The following CDH12 variants were observed in gnomAD, a reference collection of about 807,000 sequenced individuals.
CDH12 encodes the protein cadherin-12.
Under a neutral mutation model 74.1 loss-of-function variants are expected in CDH12, and 41 were observed. That is an observed-to-expected ratio of 0.55 (90% CI 0.43 to 0.72). CDH12 has a LOEUF of 0.72. Among genes scored for constraint, CDH12 ranks in the 30% least tolerant of loss-of-function variants. The pLI is 0.00. For missense variants in CDH12, 945 were observed against 977.2 expected (o/e 0.97, Z 0.44); for synonymous variants, 399 against 355.0 (o/e 1.12, Z -1.39).
At chr5:22,159,452 G>A (rs1270916265) in intron 4 of CDH12, among the ~76,000 whole-genome samples, 2 of 151,946 alleles carry the variant, frequency 1.3e-5, no homozygotes, top group African/African-American at 2.4e-5. Flanking sequence ...TTTCTGCCAG[G>A]TATATTAATA....
intron 1 of CDH12, among the ~76,000 whole-genome samples, chr5:22,579,450 G>A (rs1739965686): frequency 1.3e-5 from 2 of 151,970 alleles, no homozygotes; most frequent in African/African-American, 4.8e-5. Flanking sequence ...TCACTAATGT[G>A]TATTATGATG....
chr5:22,372,737 C>T (rs944709479), intron 3 of CDH12, among the ~76,000 whole-genome samples: 1 of 152,108 alleles, frequency 6.6e-6, no homozygotes. Flanking sequence ...CTAAGACATG[C>T]CCCGTCCTTC....
chr5:21,763,103 C>A (rs999942089), intron 12 of CDH12, among the ~76,000 whole-genome samples: 2 of 152,118 alleles, frequency 1.3e-5, no homozygotes, highest in African/African-American at 4.8e-5. Flanking sequence ...TAAGTGCATT[C>A]TGTGCCGATC....
chr5:22,494,218 T>C (rs770136450), intron 2 of CDH12, among the ~76,000 whole-genome samples: 1 of 152,206 alleles, frequency 6.6e-6, no homozygotes, highest in Non-Finnish European at 1.5e-5. Flanking sequence ...TGGTGTGTTC[T>C]CCCCAGATTG....
At chr5:22,293,545 T>C (rs1737494061) in intron 3 of CDH12, among the ~76,000 whole-genome samples, 1 of 152,142 alleles carries the variant, frequency 6.6e-6, no homozygotes, top group African/African-American at 2.4e-5. Context: ...TTATTCACAT[T>C]AGCCAAGATA....
chr5:22,251,586 TA>T (rs1753134484), intron 3 of CDH12, among the ~76,000 whole-genome samples: 1 of 152,148 alleles, frequency 6.6e-6, no homozygotes, highest in African/African-American at 2.4e-5. Context: ...ATGATAAAAA[TA>T]GGGATGCTGT....
intron 3 of CDH12, among the ~76,000 whole-genome samples, chr5:22,249,639 A>G (rs1007489821): frequency 6.6e-6 from 1 of 152,220 alleles, no homozygotes; most frequent in Non-Finnish European, 1.5e-5. Flanking sequence ...TCAGAATGGA[A>G]TCATCAACCG....
At chr5:21,835,449 G>T (rs1749478537) in intron 8 of CDH12, among the ~76,000 whole-genome samples, 1 of 151,642 alleles carries the variant, frequency 6.6e-6, no homozygotes, top group South Asian at 2.1e-4. Context: ...GGCAATCTCA[G>T]ATATTAAGAC....
At chr5:22,219,908 C>G (rs568355103) in intron 3 of CDH12, among the ~76,000 whole-genome samples, 1 of 151,678 alleles carries the variant, frequency 6.6e-6, no homozygotes, top group African/African-American at 2.4e-5. Flanking sequence ...AAATGAGCTA[C>G]CAGCTATAAT....
Position 22,678,731 on chromosome 5 carries a change from C to T in CDH12, c.-522-173367G>A, listed in dbSNP as rs528822733. On this transcript the variant is annotated intron_variant, in intron 1 of 14. Coordinates refer to ENST00000382254, the MANE Select transcript of CDH12 (RefSeq NM_004061.5). ...TATTTTCAAATAAAGAAGGAAAGAACAACAAAAATTCTAATAATGTACTTG... is the reference window on the plus strand; with the variant it reads ...TATTTTCAAATAAAGAAGGAAAGAATAACAAAAATTCTAATAATGTACTTG... 2.6e-5 allele frequency among the ~76,000 whole-genome samples: 4 copies of T among 152,054 alleles called. No individual in the cohort carries two copies. In the East Asian group the frequency reaches 7.7e-4, roughly 29 times the overall value.
intron 5 of CDH12, among the ~76,000 whole-genome samples, chr5:22,046,300 C>G (rs1398079871): frequency 6.6e-6 from 1 of 152,050 alleles, no homozygotes; most frequent in Non-Finnish European, 1.5e-5. Flanking sequence ...TTGAGAGCAG[C>G]CAAGTCCTGC....
chr5:22,158,519 G>C (rs1248918689), intron 4 of CDH12, among the ~76,000 whole-genome samples: 1 of 151,962 alleles, frequency 6.6e-6, no homozygotes, highest in African/African-American at 2.4e-5. Flanking sequence ...CTCACATAAT[G>C]AAAGATTAAT....
At chr5:22,564,733 T>G (rs1197705433) in intron 1 of CDH12, among the ~76,000 whole-genome samples, 1 of 152,208 alleles carries the variant, frequency 6.6e-6, no homozygotes, top group Non-Finnish European at 1.5e-5. Flanking sequence ...TCCTTTGATT[T>G]GTTGTATTTA....
At chr5:22,326,457 G>A (rs568651772) in intron 3 of CDH12, among the ~76,000 whole-genome samples, 20 of 152,240 alleles carry the variant, frequency 1.3e-4, no homozygotes, top group African/African-American at 4.8e-4. Flanking sequence ...GGATGGTCTT[G>A]ATCTCCTGAC....
At chr5:22,617,713 T>G (rs942020360) in intron 1 of CDH12, among the ~76,000 whole-genome samples, 9 of 152,108 alleles carry the variant, frequency 5.9e-5, no homozygotes, top group Non-Finnish European at 1.0e-4. Context: ...CTTGTTTTCT[T>G]CCATCTGAAC....
chr5:22,280,735 C>T (rs892849569), intron 3 of CDH12, among the ~76,000 whole-genome samples: 1 of 152,098 alleles, frequency 6.6e-6, no homozygotes. Context: ...TAATTAATAG[C>T]TTACCAATCA....
intron 2 of CDH12, among the ~76,000 whole-genome samples, chr5:22,462,067 G>T (rs531878183): frequency 6.6e-6 from 1 of 152,004 alleles, no homozygotes; most frequent in South Asian, 2.1e-4. Context: ...CTAAAAGAAT[G>T]ATAATTTATG....
chr5:22,685,039 C>T lies in CDH12; in HGVS notation c.-523+168019G>A, dbSNP rs371537875. 3.0e-4 allele frequency among the ~76,000 whole-genome samples: 46 copies of T among 152,164 alleles called. No homozygotes were observed. In the East Asian group the frequency reaches 6.0e-3, roughly 20 times the overall value. On this transcript the variant is annotated intron_variant, in intron 1 of 14. Transcript: ENST00000382254. Reference sequence around the variant, plus strand: ...GGCAGACCTTCAATAAAGACCTCTACGTACATTTTATGGAGGTGATTTAAA... The same window carrying T: ...GGCAGACCTTCAATAAAGACCTCTATGTACATTTTATGGAGGTGATTTAAA...
chr5:21,928,717 C>T (rs1337254192), intron 6 of CDH12, among the ~76,000 whole-genome samples: 2 of 151,728 alleles, frequency 1.3e-5, no homozygotes, highest in Non-Finnish European at 2.9e-5. Flanking sequence ...CATATTTACT[C>T]TTGGCATACA....
Sources: gnomAD v4.1 joint callset for allele counts (sites outside exome capture counted in the v4.1 genomes callset) on GRCh38, gnomAD v4.1.1 for gene constraint, MANE v1.5 for transcripts, NCBI Gene and HGNC (gene_info 2026-07-23, HGNC 2026-07-21) for gene names.